The following NLGN4X variants were observed in gnomAD, a reference collection of about 807,000 sequenced individuals.
NLGN4X encodes the protein neuroligin-4, X-linked.
In NLGN4X, 3 loss-of-function variants were observed where a neutral mutation model predicts 40.3. That is an observed-to-expected ratio of 0.07 (90% CI 0.03 to 0.19). The LOEUF is 0.19. NLGN4X is among the 10% of genes least tolerant of loss of function. NLGN4X has a pLI of 1.00. For synonymous variants in NLGN4X, 270 were observed against 306.8 expected (o/e 0.88, Z 1.25); for missense variants, 382 against 708.3 (o/e 0.54, Z 5.23).
At chrX:5,899,869 A>G (rs950503749) in intron 5 of NLGN4X, among the ~76,000 whole-genome samples, 1 of 111,770 alleles carries the variant, frequency 8.9e-6, no homozygotes, top group South Asian at 3.8e-4. Context: ...ATAATCATAT[A>G]AAGTTTATTT....
chrX:6,090,570 T>C (rs1336137096), intron 2 of NLGN4X, among the ~76,000 whole-genome samples: 1 of 111,879 alleles, frequency 8.9e-6, no homozygotes, highest in Non-Finnish European at 1.9e-5. Flanking sequence ...CAATTTTTCA[T>C]CAACAGTAAG....
intron 1 of NLGN4X, among the ~76,000 whole-genome samples, chrX:6,219,131 A>C (rs1925369183): frequency 1.1e-5 from 1 of 93,826 alleles, no homozygotes; most frequent in Non-Finnish European, 2.2e-5. Flanking sequence ...GTATATACAT[A>C]TATACGTATA....
chrX:5,948,244 A>G (rs979177390), intron 3 of NLGN4X, among the ~76,000 whole-genome samples: 1 of 112,456 alleles, frequency 8.9e-6, no homozygotes, highest in Non-Finnish European at 1.9e-5. Flanking sequence ...GACCCAAACA[A>G]TAGAAAAGTC....
intron 3 of NLGN4X, among the ~76,000 whole-genome samples, chrX:5,971,889 A>T (rs1295494757): frequency 9.0e-6 from 1 of 111,724 alleles, no homozygotes; most frequent in African/African-American, 3.3e-5. Context: ...AGTGCATAGA[A>T]AAAGTGAAGG....
intron 3 of NLGN4X, among the ~76,000 whole-genome samples, chrX:5,967,430 C>G (rs1475901877): frequency 9.0e-6 from 1 of 111,496 alleles, no homozygotes; most frequent in Admixed American, 9.6e-5. Flanking sequence ...TCTCTTTTCT[C>G]TCTGTCTTGG....
At chrX:6,103,647 T>A (rs2038970133) in intron 2 of NLGN4X, among the ~76,000 whole-genome samples, 1 of 111,914 alleles carries the variant, frequency 8.9e-6, no homozygotes, top group South Asian at 3.7e-4. Flanking sequence ...TATTCTACCA[T>A]CATTACATAG....
chrX:6,194,119 G>A (rs1017584676), intron 1 of NLGN4X, among the ~76,000 whole-genome samples: 5 of 111,368 alleles, frequency 4.5e-5, no homozygotes, highest in African/African-American at 1.6e-4. Context: ...GGAGGTTGAG[G>A]CTGCAGTGAG....
intron 2 of NLGN4X, among the ~76,000 whole-genome samples, chrX:6,109,874 C>A (rs2039109211): frequency 8.9e-6 from 1 of 111,935 alleles, no homozygotes; most frequent in Admixed American, 9.5e-5. Flanking sequence ...CTGTTAGGAT[C>A]CAGTCTCCTA....
intron 2 of NLGN4X, among the ~76,000 whole-genome samples, chrX:6,126,327 C>G (rs1363737408): frequency 9.0e-6 from 1 of 111,142 alleles, no homozygotes; most frequent in East Asian, 2.8e-4. Flanking sequence ...TATTCATCCT[C>G]GCACTGGACG....
chrX:6,016,360 G>A (rs962803380), intron 3 of NLGN4X, among the ~76,000 whole-genome samples: 5 of 111,752 alleles, frequency 4.5e-5, no homozygotes, highest in Admixed American at 1.9e-4. Context: ...GGAGAGAAGA[G>A]ATACGGGACT....
At chrX:5,977,507 C>A (rs895070186) in intron 3 of NLGN4X, among the ~76,000 whole-genome samples, 11 of 111,322 alleles carry the variant, frequency 9.9e-5, no homozygotes, top group Non-Finnish European at 2.1e-4. Flanking sequence ...CAGGCATGAG[C>A]CACTGTGTCC....
At chrX:6,226,442 G>C (rs1488315825) in intron 1 of NLGN4X, among the ~76,000 whole-genome samples, 1 of 111,010 alleles carries the variant, frequency 9.0e-6, no homozygotes, top group Non-Finnish European at 1.9e-5. Context: ...GGCCTCGGGG[G>C]TGCAAGGGTT....
intron 1 of NLGN4X, among the ~76,000 whole-genome samples, chrX:6,221,706 A>T (rs1925727369): frequency 9.1e-6 from 1 of 110,039 alleles, no homozygotes; most frequent in Admixed American, 9.8e-5. Context: ...AGTACTGAAG[A>T]GTGGAATAAG....
chrX:6,176,395 C>A (rs754785912), intron 1 of NLGN4X, among the ~76,000 whole-genome samples: 1 of 112,138 alleles, frequency 8.9e-6, no homozygotes, highest in African/African-American at 3.2e-5. Context: ...GTGTGGTCTG[C>A]AGAATAACGG....
intron 3 of NLGN4X, among the ~76,000 whole-genome samples, chrX:5,911,721 T>C (rs753650883): frequency 3.6e-5 from 4 of 112,193 alleles, no homozygotes; most frequent in South Asian, 7.5e-4. Flanking sequence ...TTTAAGAGTA[T>C]AGTCCTTTCA....
chrX:6,194,595 C>T (rs1922882541), intron 1 of NLGN4X, among the ~76,000 whole-genome samples: 2 of 111,783 alleles, frequency 1.8e-5, no homozygotes, highest in African/African-American at 6.5e-5. Context: ...GGTTTCATAG[C>T]TAATGAGCCA....
chrX:5,994,082 C>T (rs1006313779), intron 3 of NLGN4X, among the ~76,000 whole-genome samples: 2 of 111,943 alleles, frequency 1.8e-5, no homozygotes, highest in Non-Finnish European at 3.8e-5. Flanking sequence ...CAGCTTCACA[C>T]TCCTTTCTCA....
intron 3 of NLGN4X, among the ~76,000 whole-genome samples, chrX:5,992,274 C>T (rs1165656534): frequency 8.9e-6 from 1 of 112,096 alleles, no homozygotes; most frequent in East Asian, 2.8e-4. Flanking sequence ...ACTCCATATG[C>T]ATTGCTATAA....
intron 1 of NLGN4X, among the ~76,000 whole-genome samples, chrX:6,219,590 T>C (rs5961957): frequency 0.2 from 20,137 of 103,178 alleles, 2,563 homozygotes; most frequent in African/African-American, 0.44. Flanking sequence ...CTTCCTTCCT[T>C]CTTTCCTTCC....
Sources: gnomAD v4.1 joint callset for allele counts (sites outside exome capture counted in the v4.1 genomes callset) on GRCh38, gnomAD v4.1.1 for gene constraint, MANE v1.5 for transcripts, NCBI Gene and HGNC (gene_info 2026-07-23, HGNC 2026-07-21) for gene names.